The following CHST11 variants were observed in gnomAD, a reference collection of about 807,000 sequenced individuals.
CHST11 encodes carbohydrate sulfotransferase 11.
In CHST11, 9 loss-of-function variants were observed where a neutral mutation model predicts 30.4. That is an observed-to-expected ratio of 0.30 (90% CI 0.18 to 0.52). The LOEUF (loss-of-function observed/expected upper bound fraction) is 0.52, where lower values mean the gene tolerates loss of function less well. Among genes scored for constraint, CHST11 ranks in the 20% least tolerant of loss-of-function variants. The probability of loss-of-function intolerance (pLI) is 0.97; values close to 1 mark genes in which losing one functional copy is unlikely to be tolerated. For synonymous variants in CHST11, 152 were observed against 187.8 expected, an observed-to-expected ratio of 0.81 and a Z score of 1.56; for missense variants, 348 against 460.6, an observed-to-expected ratio of 0.76 and a Z score of 2.24.
rs75537461 is a variant in CHST11 at position 104,589,646 on chromosome 12, G to GT, written c.119-12259dup. Among the ~76,000 whole-genome samples the GT allele has an allele frequency of 2.5e-3, 386 of 152,320 alleles. 3 individuals carry two copies. Among genetic ancestry groups the GT allele is most frequent in the South Asian group, 0.018 (89 of 4,828 alleles). ...ATAACAAAAAAGCAAAACTGCAGTT[G>GT]TATTATTTCTTGCCTTGAAGAACTT... On this transcript the variant is annotated intron_variant, in intron 1 of 2. Transcript: ENST00000303694.
At chr12:104,562,363 C>A (rs966510570) in intron 1 of CHST11, among the ~76,000 whole-genome samples, 11 of 152,096 alleles carry the variant, frequency 7.2e-5, no homozygotes, top group African/African-American at 2.7e-4. Flanking sequence ...TTGAGGGTCA[C>A]CTGCAGCTCT....
chr12:104,469,576 A>G (rs540055342), intron 1 of CHST11, among the ~76,000 whole-genome samples: 12 of 152,306 alleles, frequency 7.9e-5, no homozygotes, highest in Non-Finnish European at 1.2e-4. Flanking sequence ...GACAGCATCA[A>G]TTGGCCCTAT....
intron 1 of CHST11, among the ~76,000 whole-genome samples, chr12:104,486,014 A>C (rs559687942): frequency 6.6e-6 from 1 of 152,058 alleles, no homozygotes; most frequent in African/African-American, 2.4e-5. Context: ...ATGTGTGTGC[A>C]TGTGTGCACG....
intron 2 of CHST11, among the ~76,000 whole-genome samples, chr12:104,637,002 AAAAG>A (rs1706296330): frequency 6.6e-6 from 1 of 152,058 alleles, no homozygotes; most frequent in African/African-American, 2.4e-5. Context: ...TTGCTTTTAA[AAAAG>A]AAAGACCCTT....
At chr12:104,646,092 G>A (rs981218109) in intron 2 of CHST11, among the ~76,000 whole-genome samples, 1 of 152,220 alleles carries the variant, frequency 6.6e-6, no homozygotes, top group Non-Finnish European at 1.5e-5. Flanking sequence ...ATGGACCCAG[G>A]TAATGGCTCC....
At chr12:104,580,164 A>G (rs2038727154) in intron 1 of CHST11, among the ~76,000 whole-genome samples, 1 of 152,302 alleles carries the variant, frequency 6.6e-6, no homozygotes, top group Middle Eastern at 3.4e-3. Context: ...CTTTCCCCCT[A>G]CATTTGGGGA....
chr12:104,460,345 G>T (rs2037395597), intron 1 of CHST11, among the ~76,000 whole-genome samples: 1 of 152,126 alleles, frequency 6.6e-6, no homozygotes, highest in Non-Finnish European at 1.5e-5. Context: ...TTGGTGGCTG[G>T]AGGGTATGAG....
At chr12:104,612,248 G>T (rs1592793375) in intron 2 of CHST11, among the ~76,000 whole-genome samples, 1 of 152,092 alleles carries the variant, frequency 6.6e-6, no homozygotes, top group Middle Eastern at 3.4e-3. Flanking sequence ...AGTTTTGGAG[G>T]CTGGAAGTCA....
intron 2 of CHST11, among the ~76,000 whole-genome samples, chr12:104,661,654 T>C (rs1370715581): frequency 6.6e-6 from 1 of 152,214 alleles, no homozygotes; most frequent in Admixed American, 6.5e-5. Flanking sequence ...GCCCCTTCTC[T>C]CCTGGGTCCT....
intron 1 of CHST11, among the ~76,000 whole-genome samples, chr12:104,537,579 T>A (rs1002668817): frequency 6.6e-6 from 1 of 152,224 alleles, no homozygotes; most frequent in African/African-American, 2.4e-5. Flanking sequence ...TCAATAGAAT[T>A]TTTAAAAACC....
At chr12:104,602,903 G>T (rs2038970280) in intron 2 of CHST11, among the ~76,000 whole-genome samples, 2 of 152,188 alleles carry the variant, frequency 1.3e-5, no homozygotes, top group South Asian at 4.1e-4. Context: ...GTAAAGGGAT[G>T]CACTTGAGAA....
chr12:104,556,907 G>T (rs1463969851), intron 1 of CHST11, among the ~76,000 whole-genome samples: 1 of 151,894 alleles, frequency 6.6e-6, no homozygotes, highest in Non-Finnish European at 1.5e-5. Context: ...CTTGAACCCA[G>T]GAGGTGGAGG....
intron 1 of CHST11, among the ~76,000 whole-genome samples, chr12:104,489,526 T>G (rs983651025): frequency 4.6e-5 from 7 of 152,138 alleles, no homozygotes; most frequent in Non-Finnish European, 8.8e-5. Context: ...GTCGCCAGGC[T>G]GGAGTGCAGT....
chr12:104,732,030 G>C (rs1288699082), intron 2 of CHST11, among the ~76,000 whole-genome samples: 1 of 152,242 alleles, frequency 6.6e-6, no homozygotes, highest in Non-Finnish European at 1.5e-5. Flanking sequence ...CTCTGTCCTA[G>C]GGCAGGAGAA....
At chr12:104,689,979 C>G (rs1221603663) in intron 2 of CHST11, among the ~76,000 whole-genome samples, 1 of 152,178 alleles carries the variant, frequency 6.6e-6, no homozygotes, top group Non-Finnish European at 1.5e-5. Context: ...TGGGTCGATT[C>G]AACCCAGAGG....
At chr12:104,732,702 G>A (rs1173732091) in intron 2 of CHST11, among the ~76,000 whole-genome samples, 2 of 152,174 alleles carry the variant, frequency 1.3e-5, no homozygotes, top group Admixed American at 6.5e-5. Flanking sequence ...TCAGGTATCC[G>A]ATTGGTGTTG....
chr12:104,656,850 A>G (rs1289511959), intron 2 of CHST11, among the ~76,000 whole-genome samples: 1 of 152,286 alleles, frequency 6.6e-6, no homozygotes, highest in Middle Eastern at 3.4e-3. Flanking sequence ...CAAGCTTTCA[A>G]TGACCCCATC....
At chr12:104,636,913 G>C (rs1179231424) in intron 2 of CHST11, among the ~76,000 whole-genome samples, 1 of 151,718 alleles carries the variant, frequency 6.6e-6, no homozygotes, top group Non-Finnish European at 1.5e-5. Flanking sequence ...ATGATCTTGG[G>C]CCTGGTTTCT....
chr12:104,706,192 TG>T (rs1280508766), intron 2 of CHST11, among the ~76,000 whole-genome samples: 1 of 151,874 alleles, frequency 6.6e-6, no homozygotes, highest in African/African-American at 2.4e-5. Context: ...GAGACCAGCC[TG>T]GCCAACATGG....
Sources: allele counts gnomAD v4.1 joint callset (sites outside exome capture counted in the v4.1 genomes callset), GRCh38; gene constraint gnomAD v4.1.1; transcripts MANE v1.5; gene names NCBI Gene and HGNC (gene_info 2026-07-23, HGNC 2026-07-21).